Variants in DCBLD1 observed in about 807,000 individuals in gnomAD.
The protein encoded by DCBLD1 is discoidin, CUB and LCCL domain-containing protein 1.
DCBLD1 carries 57 observed loss-of-function variants against 71.5 expected under a neutral mutation model. That is an observed-to-expected ratio of 0.80 (90% confidence interval 0.64 to 0.99). The LOEUF is 0.99. Among genes scored for constraint, DCBLD1 ranks in the 50% least tolerant of loss-of-function variants. DCBLD1 has a pLI of 0.00. For synonymous variants in DCBLD1, 380 were observed against 363.8 expected (o/e 1.04, Z -0.51); for missense variants, 891 against 923.5 (o/e 0.96, Z 0.46).
chr6:117,531,299 T>C (rs1387719465), intron 5 of DCBLD1, among the ~76,000 whole-genome samples: 1 of 152,208 alleles, frequency 6.6e-6, no homozygotes. Context: ...AAGTGGAGCA[T>C]AGCTAAGGTT....
At chr6:117,534,464 C>T (rs1424725015) in intron 6 of DCBLD1, among the ~76,000 whole-genome samples, 1 of 152,086 alleles carries the variant, frequency 6.6e-6, no homozygotes. Context: ...GAGGGTGCTA[C>T]TTCAGGAAGA....
chr6:117,566,297 C>T (rs933093504), intron 14 of DCBLD1, among the ~76,000 whole-genome samples: 1 of 152,124 alleles, frequency 6.6e-6, no homozygotes, highest in Non-Finnish European at 1.5e-5. Context: ...CTCAGAGACC[C>T]TCAGAGATCC....
chr6:117,537,163 A>G (rs1778908679), intron 6 of DCBLD1, 22 bp from the exon 7 acceptor site: 1 of 1,613,744 alleles, frequency 6.2e-7, no homozygotes, highest in South Asian at 1.1e-5. Context: ...TTACCTTCTC[A>G]TGTTTGTCTT....
At chr6:117,500,891 C>G (rs1777634522) in intron 1 of DCBLD1, among the ~76,000 whole-genome samples, 1 of 151,966 alleles carries the variant, frequency 6.6e-6, no homozygotes, top group African/African-American at 2.4e-5. Flanking sequence ...CTAAGATTTT[C>G]TTTTGCTGAC....
At chr6:117,518,556 G>T (rs1407806827) in intron 2 of DCBLD1, among the ~76,000 whole-genome samples, 2 of 152,170 alleles carry the variant, frequency 1.3e-5, no homozygotes, top group East Asian at 3.9e-4. Context: ...ACATACCTGA[G>T]ACTGGGCAAT....
intron 5 of DCBLD1, among the ~76,000 whole-genome samples, chr6:117,528,780 C>T (rs1187130830): frequency 6.6e-6 from 1 of 152,128 alleles, no homozygotes; most frequent in Admixed American, 6.5e-5. Flanking sequence ...CTAATTAAAA[C>T]CATTTGTCAG....
chr6:117,540,310 T>C (rs1779047575), intron 9 of DCBLD1: 3 of 200,910 alleles, frequency 1.5e-5, no homozygotes, highest in Non-Finnish European at 3.1e-5. Context: ...TTAGTGACAA[T>C]GAGAATTCGG....
rs2114568541 is a variant in DCBLD1, at chr6:117,545,537, A to C, written c.1555A>C (p.Ser519Arg). 6.2e-7 allele frequency: 1 copy of C among 1,614,210 alleles called. No individual in the cohort carries two copies. The highest frequency in any genetic ancestry group is 1.1e-5 in the South Asian group (1 of 91,078). ...ACATCAGTCAGCTGAGTTTACCATC[A>C]GCTATGATAATGAGAAGGAGATGAC... Reference protein sequence around the residue: ...ARHQSAEFTISYDNEKEMTQK... With the variant: ...ARHQSAEFTIRYDNEKEMTQK... Residue 519 changes from serine (S) to arginine (R), a missense_variant, in exon 14 of 15, where the codon AGC (serine) becomes CGC (arginine). By Grantham distance (110) the Ser-to-Arg change is moderately radical. Coordinates refer to ENST00000338728, the MANE Select transcript of DCBLD1 (RefSeq NM_001366458.2).
At chr6:117,503,479 T>G (rs989063536) in intron 1 of DCBLD1, 9 of 372,838 alleles carry the variant, frequency 2.4e-5, no homozygotes, top group Admixed American at 8.6e-5. Context: ...GGTGGAGAGA[T>G]AGATGATTAG....
chr6:117,568,517 T>A (rs1286322747), intron 14 of DCBLD1, among the ~76,000 whole-genome samples: 1 of 152,236 alleles, frequency 6.6e-6, no homozygotes. Context: ...CTTTTGCTAC[T>A]GGATGACAGT....
chr6:117,492,804 C>T (rs1237239613), intron 1 of DCBLD1, among the ~76,000 whole-genome samples: 1 of 152,152 alleles, frequency 6.6e-6, no homozygotes, highest in East Asian at 1.9e-4. Flanking sequence ...TATGTCTCCC[C>T]AGTGAGATTT....
intron 5 of DCBLD1, among the ~76,000 whole-genome samples, chr6:117,528,486 C>T (rs976282035): frequency 6.6e-6 from 1 of 152,170 alleles, no homozygotes; most frequent in Admixed American, 6.5e-5. Context: ...ACATTGCCAA[C>T]ACTGTTTTAG....
chr6:117,497,453 G>T (rs988926760), intron 1 of DCBLD1, among the ~76,000 whole-genome samples: 3 of 152,154 alleles, frequency 2.0e-5, no homozygotes, highest in African/African-American at 7.2e-5. Context: ...CTAAATAAAG[G>T]ATTGGCTTGT....
intron 2 of DCBLD1, among the ~76,000 whole-genome samples, chr6:117,507,285 C>T (rs1183795862): frequency 6.6e-6 from 1 of 152,192 alleles, no homozygotes; most frequent in Non-Finnish European, 1.5e-5. Flanking sequence ...AACAAAAATG[C>T]ATTGTAAACA....
intron 1 of DCBLD1, 58 bp downstream of exon 1, chr6:117,482,951 G>A (rs1403098141): frequency 9.8e-6 from 11 of 1,118,832 alleles, no homozygotes; most frequent in African/African-American, 1.7e-5. Context: ...CGGGCTGAGG[G>A]CTGCGGGGCG....
At chr6:117,491,339 A>AT (rs917491138) in intron 1 of DCBLD1, among the ~76,000 whole-genome samples, 8 of 151,952 alleles carry the variant, frequency 5.3e-5, no homozygotes, top group African/African-American at 9.7e-5. Flanking sequence ...TCCGCCCACC[A>AT]TTTTTTTGGG....
At position 117,497,141 on chromosome 6, in the gene DCBLD1, C is replaced by T. The variant is rs989411018; in HGVS notation, c.113-6626C>T. The stretch of plus-strand genomic sequence containing the variant: ...ACCTGGGAGGCGGAGGTCAGTAAGC[C>T]GAGACTGCGCCACTGCACTCCAGCC... On this transcript the variant is annotated intron_variant, in intron 1 of 14. Transcript: ENST00000338728. Among the ~76,000 whole-genome samples, 58 of 152,006 alleles carry T rather than the reference C, an allele frequency of 3.8e-4. 1 individual carries two copies. The highest frequency in any genetic ancestry group is 1.3e-4 in the Admixed American group (2 of 15,240).
chr6:117,561,859 T>A (rs1374243846), intron 14 of DCBLD1: 1 of 206,340 alleles, frequency 4.8e-6, no homozygotes, highest in African/African-American at 2.3e-5. Context: ...GTATATACAT[T>A]TTATAGATTT....
chr6:117,545,691 A>G (rs941840436), intron 14 of DCBLD1, 94 bp downstream of exon 14: 8 of 1,496,382 alleles, frequency 5.3e-6, no homozygotes, highest in Admixed American at 2.1e-5. Flanking sequence ...ATCCTTTTCT[A>G]TTTAGATAGG....
Sources: gnomAD v4.1 joint callset for allele counts (sites outside exome capture counted in the v4.1 genomes callset) on GRCh38, gnomAD v4.1.1 for gene constraint, MANE v1.5 for transcripts, NCBI Gene and HGNC (gene_info 2026-07-23, HGNC 2026-07-21) for gene names.